GPC5: variants seen among roughly 807,000 people sequenced by gnomAD.
The protein encoded by GPC5 is glypican 5.
In GPC5, 47 loss-of-function variants were observed where a neutral mutation model predicts 53.9. The observed-to-expected ratio is 0.87, with a 90% CI of 0.69 to 1.11. GPC5 has a LOEUF of 1.11. GPC5 is among the 50% of genes most tolerant of loss of function. GPC5 has a pLI of 0.00. For synonymous variants in GPC5, 286 were observed against 263.3 expected (o/e 1.09, Z -0.84); for missense variants, 748 against 713.1 (o/e 1.05, Z -0.56).
chr13:92,852,682 C>T (rs1309592250), intron 7 of GPC5, among the ~76,000 whole-genome samples: 2 of 152,080 alleles, frequency 1.3e-5, no homozygotes, highest in Non-Finnish European at 2.9e-5. Context: ...GTGATCTTCC[C>T]ACCTTGGCCT....
intron 7 of GPC5, among the ~76,000 whole-genome samples, chr13:92,600,641 G>A (rs144806699): frequency 0.023 from 3,340 of 147,152 alleles, 104 homozygotes; most frequent in African/African-American, 0.067. Flanking sequence ...GGGATTACAG[G>A]ACCCCATCAC....
At chr13:92,685,579 T>C (rs1338086100) in intron 7 of GPC5, among the ~76,000 whole-genome samples, 1 of 141,926 alleles carries the variant, frequency 7.0e-6, no homozygotes, top group Non-Finnish European at 1.5e-5. Flanking sequence ...TTTTTTATTA[T>C]ACTCTAAGTT....
chr13:91,682,566 T>C (rs1195405014), intron 2 of GPC5, among the ~76,000 whole-genome samples: 2 of 152,136 alleles, frequency 1.3e-5, no homozygotes, highest in East Asian at 3.9e-4. Flanking sequence ...CCTATCAGAA[T>C]GTACAGAGGC....
chr13:92,820,796 G>A (rs989236), intron 7 of GPC5, among the ~76,000 whole-genome samples: 42,335 of 151,988 alleles, frequency 0.28, 8,472 homozygotes, highest in African/African-American at 0.56. Flanking sequence ...ATGTTGAGTA[G>A]TTTCTATAAA....
chr13:91,915,988 T>C (rs1021165229), intron 6 of GPC5, among the ~76,000 whole-genome samples: 1 of 152,214 alleles, frequency 6.6e-6, no homozygotes, highest in Non-Finnish European at 1.5e-5. Context: ...TAAAACATGC[T>C]TGCTACCATA....
At chr13:92,319,759 T>C (rs1244704766) in intron 7 of GPC5, among the ~76,000 whole-genome samples, 1 of 152,188 alleles carries the variant, frequency 6.6e-6, no homozygotes, top group East Asian at 1.9e-4. Context: ...GTATCACACA[T>C]GTTATACGTA....
chr13:92,747,325 T>C (rs1889264375), intron 7 of GPC5, among the ~76,000 whole-genome samples: 2 of 152,178 alleles, frequency 1.3e-5, no homozygotes, highest in Admixed American at 1.3e-4. Flanking sequence ...TGGTATTCTC[T>C]TGCATTATTC....
intron 7 of GPC5, among the ~76,000 whole-genome samples, chr13:92,837,732 C>T (rs1395234698): frequency 6.6e-6 from 1 of 152,070 alleles, no homozygotes; most frequent in Admixed American, 6.5e-5. Context: ...CTGGATGGTC[C>T]GCCAAACTAT....
At chr13:91,592,957 G>A (rs2032858069) in intron 2 of GPC5, among the ~76,000 whole-genome samples, 1 of 152,278 alleles carries the variant, frequency 6.6e-6, no homozygotes, top group Admixed American at 6.5e-5. Context: ...TGGGGACCCT[G>A]GGCCAGGGGT....
chr13:91,500,924 G>C (rs1884588512), intron 2 of GPC5, among the ~76,000 whole-genome samples: 1 of 152,188 alleles, frequency 6.6e-6, no homozygotes, highest in African/African-American at 2.4e-5. Flanking sequence ...GTTTTATAAG[G>C]GGAAACCCCT....
At chr13:92,615,455 CAT>C (rs1375337694) in intron 7 of GPC5, among the ~76,000 whole-genome samples, 1 of 152,142 alleles carries the variant, frequency 6.6e-6, no homozygotes, top group Non-Finnish European at 1.5e-5. Flanking sequence ...TGGGAGGGAA[CAT>C]ACACAGTGAC....
intron 5 of GPC5, among the ~76,000 whole-genome samples, chr13:91,857,419 G>C (rs1218207141): frequency 6.6e-6 from 1 of 151,222 alleles, no homozygotes; most frequent in Non-Finnish European, 1.5e-5. Context: ...TTTCAGGATA[G>C]TATTACTGTA....
chr13:91,550,066 A>T (rs576299112), intron 2 of GPC5, among the ~76,000 whole-genome samples: 7 of 152,278 alleles, frequency 4.6e-5, no homozygotes, highest in African/African-American at 1.7e-4. Context: ...CAGTGCTAAA[A>T]ATAAACTATC....
At chr13:91,774,294 T>C (rs2037673537) in intron 5 of GPC5, among the ~76,000 whole-genome samples, 1 of 152,202 alleles carries the variant, frequency 6.6e-6, no homozygotes, top group Non-Finnish European at 1.5e-5. Context: ...ACTTGACATC[T>C]TGAAGAGTGT....
At chr13:92,656,837 C>T (rs1886152739) in intron 7 of GPC5, among the ~76,000 whole-genome samples, 2 of 152,126 alleles carry the variant, frequency 1.3e-5, no homozygotes, top group South Asian at 4.1e-4. Context: ...ATCCATAATC[C>T]CAGCTACTCT....
chr13:92,511,480 T>A (rs1401212616), intron 7 of GPC5, among the ~76,000 whole-genome samples: 1 of 152,206 alleles, frequency 6.6e-6, no homozygotes, highest in Non-Finnish European at 1.5e-5. Context: ...GGGGATCTCC[T>A]TTGCTAGGAT....
At chr13:91,824,066 T>G (rs996726130) in intron 5 of GPC5, among the ~76,000 whole-genome samples, 2 of 152,072 alleles carry the variant, frequency 1.3e-5, no homozygotes, top group African/African-American at 4.8e-5. Context: ...AGTGGTCACA[T>G]GTGATTTAAT....
chr13:92,451,423 A>G (rs982333395), intron 7 of GPC5, among the ~76,000 whole-genome samples: 3 of 152,118 alleles, frequency 2.0e-5, no homozygotes, highest in African/African-American at 4.8e-5. Flanking sequence ...CATGTCATCT[A>G]CACCTAAAAT....
At chr13:92,360,122 T>C (rs1385169186) in intron 7 of GPC5, among the ~76,000 whole-genome samples, 1 of 151,762 alleles carries the variant, frequency 6.6e-6, no homozygotes, top group African/African-American at 2.4e-5. Context: ...GAAATTTCTT[T>C]TGGCATCTTT....
Sources: gnomAD v4.1 joint callset for allele counts (sites outside exome capture counted in the v4.1 genomes callset) on GRCh38, gnomAD v4.1.1 for gene constraint, MANE v1.5 for transcripts, NCBI Gene and HGNC (gene_info 2026-07-23, HGNC 2026-07-21) for gene names.